Variants in MAD1L1 observed in about 807,000 individuals in gnomAD.
MAD1L1 encodes the protein mitotic arrest deficient 1 like 1, also known as mitotic spindle assembly checkpoint protein MAD1.
MAD1L1 carries 95 observed loss-of-function variants against 96.9 expected under a neutral mutation model. The observed-to-expected ratio is 0.98, with a 90% CI of 0.83 to 1.16. MAD1L1 has a LOEUF of 1.16. Ranked by LOEUF, MAD1L1 falls within the 50% of genes most tolerant of loss-of-function variation. The pLI is 0.00. For missense variants in MAD1L1, 1,007 were observed against 954.4 expected, an observed-to-expected ratio of 1.06 and a Z score of -0.73; for synonymous variants, 473 against 396.6, an observed-to-expected ratio of 1.19 and a Z score of -2.29.
chr7:2,227,826 G>T (rs576028582), intron 3 of MAD1L1, among the ~76,000 whole-genome samples: 2 of 152,202 alleles, frequency 1.3e-5, no homozygotes, highest in Non-Finnish European at 1.5e-5. Context: ...CAGGGGGCAC[G>T]ACCGGCAGGG....
At chr7:1,950,237 G>A (rs536632668) in intron 16 of MAD1L1, among the ~76,000 whole-genome samples, 1 of 152,340 alleles carries the variant, frequency 6.6e-6, no homozygotes, top group Admixed American at 6.5e-5. Context: ...CCTGACCTCA[G>A]TCTCATGTCA....
chr7:1,853,341 C>A (rs1784078338), intron 18 of MAD1L1, among the ~76,000 whole-genome samples: 1 of 152,206 alleles, frequency 6.6e-6, no homozygotes, highest in Non-Finnish European at 1.5e-5. Flanking sequence ...GGCACAGCAA[C>A]AGCAGGTAGC....
At position 2,060,280 on chromosome 7, in the gene MAD1L1, TACGCCGATCCC is replaced by T. The variant is rs1784592952; in HGVS notation, c.1218+8903_1218+8913del. Among the ~76,000 whole-genome samples, 4 of 94,352 alleles carry T rather than the reference TACGCCGATCCC, an allele frequency of 4.2e-5. No homozygotes were observed. The South Asian group carries it at 1.9e-3, about 44-fold the overall frequency. 61.9% of individuals were successfully genotyped at this position (94,352 alleles called of 152,430 possible). Reference sequence around the variant, plus strand: ...ATGCCGAGATACGCCGATGCCGAGATACGCCGATCCCGAGATACGCCGATCCCGAGATACGC... The same window carrying T: ...ATGCCGAGATACGCCGATGCCGAGATGAGATACGCCGATCCCGAGATACGC... On this transcript the variant is annotated intron_variant, in intron 12 of 18. Coordinates refer to ENST00000265854, the MANE Select transcript of MAD1L1 (RefSeq NM_001013836.2).
intron 10 of MAD1L1, among the ~76,000 whole-genome samples, chr7:2,159,545 G>A (rs79807244): frequency 2.5e-3 from 374 of 152,310 alleles, no homozygotes; most frequent in African/African-American, 8.8e-3. Context: ...CCACTGGAAT[G>A]CAGGCTCCAG....
At chr7:1,892,261 C>T (rs952070668) in intron 18 of MAD1L1, among the ~76,000 whole-genome samples, 6 of 152,192 alleles carry the variant, frequency 3.9e-5, no homozygotes, top group African/African-American at 9.7e-5. Context: ...GGAGGCTGCA[C>T]GGCCCAGGCT....
chr7:1,853,042 G>A (rs1176448637), intron 18 of MAD1L1, among the ~76,000 whole-genome samples: 1 of 152,254 alleles, frequency 6.6e-6, no homozygotes, highest in Non-Finnish European at 1.5e-5. Context: ...TCCTGTCCCA[G>A]TGTGGAGTGG....
chr7:1,883,250 A>G (rs1169848187), intron 18 of MAD1L1, among the ~76,000 whole-genome samples: 4 of 152,116 alleles, frequency 2.6e-5, no homozygotes, highest in Non-Finnish European at 5.9e-5. Flanking sequence ...AACCCAAACT[A>G]CCAAACTGTG....
At chr7:1,884,766 C>T (rs768033242) in intron 18 of MAD1L1, among the ~76,000 whole-genome samples, 21 of 152,220 alleles carry the variant, frequency 1.4e-4, no homozygotes, top group African/African-American at 2.2e-4. Flanking sequence ...CAGCCCAGGC[C>T]TCCTGTCTGC....
chr7:2,074,553 C>T (rs561668142), intron 11 of MAD1L1, among the ~76,000 whole-genome samples: 3 of 152,232 alleles, frequency 2.0e-5, no homozygotes, highest in Non-Finnish European at 4.4e-5. Flanking sequence ...CTAGGCGCTA[C>T]GGAATCTGCA....
intron 18 of MAD1L1, among the ~76,000 whole-genome samples, chr7:1,854,055 C>A (rs1039659769): frequency 7.9e-5 from 12 of 152,216 alleles, no homozygotes; most frequent in Admixed American, 1.3e-4. Context: ...AGGGTAATTA[C>A]CAGCTCGATC....
chr7:2,145,761 C>G (rs552753956), intron 11 of MAD1L1, among the ~76,000 whole-genome samples: 1 of 152,312 alleles, frequency 6.6e-6, no homozygotes, highest in South Asian at 2.1e-4. Flanking sequence ...TGGGAGAGCT[C>G]CAGGATCCTC....
rs1055000485 is a variant in MAD1L1 at position 1,954,286 on chromosome 7, C to T, written c.1596+3343G>A. ...GACAGCCTGCGGGAAAGGCCCGTGC[C>T]CTCCACATCCTTGGGAGCACACTAA... On this transcript the variant is annotated intron_variant, in intron 16 of 18. Transcript: ENST00000265854. Among the ~76,000 whole-genome samples, 3 of 152,296 alleles carry T rather than the reference C, an allele frequency of 2.0e-5. No individual in the cohort carries two copies. In the South Asian group the frequency reaches 6.2e-4, roughly 32 times the overall value.
intron 12 of MAD1L1, among the ~76,000 whole-genome samples, chr7:2,016,677 C>G (rs1470908202): frequency 4.2e-4 from 2 of 4,724 alleles, no homozygotes; most frequent in Non-Finnish European, 0.01. Flanking sequence ...ACGTCTGGGG[C>G]TCTCCTGCCG....
chr7:2,020,176 G>A (rs891433882), intron 12 of MAD1L1, among the ~76,000 whole-genome samples: 18 of 152,188 alleles, frequency 1.2e-4, no homozygotes, highest in Admixed American at 5.2e-4. Flanking sequence ...CTACAGTCCC[G>A]GGGTCAGCGC....
chr7:1,870,592 C>A, intron 18 of MAD1L1, among the ~76,000 whole-genome samples: 1 of 150,284 alleles, frequency 6.7e-6, no homozygotes, highest in African/African-American at 2.5e-5. Context: ...CACGCTGAAC[C>A]CACCGTAACA....
At chr7:1,853,277 G>T (rs984592660) in intron 18 of MAD1L1, among the ~76,000 whole-genome samples, 1 of 152,190 alleles carries the variant, frequency 6.6e-6, no homozygotes, top group African/African-American at 2.4e-5. Flanking sequence ...GTCGGGACAG[G>T]CCTGGCGAGA....
intron 14 of MAD1L1, among the ~76,000 whole-genome samples, chr7:1,982,796 T>C (rs558624368): frequency 1.3e-5 from 2 of 152,358 alleles, no homozygotes; most frequent in South Asian, 2.1e-4. Context: ...TCACTGGAGC[T>C]GAAGCCAATA....
intron 18 of MAD1L1, among the ~76,000 whole-genome samples, chr7:1,843,451 CCTGAGGGGGCT>C (rs1783398419): frequency 6.6e-6 from 1 of 152,070 alleles, no homozygotes; most frequent in African/African-American, 2.4e-5. Flanking sequence ...TCCAGCCCCT[CCTGAGGGGGCT>C]TGATGGGCGT....
intron 10 of MAD1L1, among the ~76,000 whole-genome samples, chr7:2,183,769 G>A (rs984486816): frequency 1.3e-5 from 2 of 151,964 alleles, no homozygotes; most frequent in Admixed American, 6.6e-5. Context: ...GGGGGAGCGG[G>A]GAGGGACAGC....
Sources: allele counts gnomAD v4.1 joint callset (sites outside exome capture counted in the v4.1 genomes callset), GRCh38; gene constraint gnomAD v4.1.1; transcripts MANE v1.5; gene names NCBI Gene and HGNC (gene_info 2026-07-23, HGNC 2026-07-21).